Variants in TMBIM4 observed in about 807,000 individuals in gnomAD.
The protein encoded by TMBIM4 is transmembrane BAX inhibitor motif containing 4, also known as protein lifeguard 4.
TMBIM4 carries 28 observed loss-of-function variants against 27.7 expected under a neutral mutation model. The ratio of observed to expected loss-of-function variants is 1.01; its 90% CI spans 0.75 to 1.38. The LOEUF is 1.38. Among genes scored for constraint, TMBIM4 ranks in the 40% most tolerant of loss-of-function variants. TMBIM4 has a pLI of 0.00. For missense variants in TMBIM4, 265 were observed against 277.5 expected (o/e 0.95, Z 0.32); for synonymous variants, 115 against 113.1 (o/e 1.02, Z -0.11).
rs59771071 is a variant in TMBIM4 at position 66,136,096 on chromosome 12, A to AAAAAAAT, written c.*1863_*1864insATTTTTT. 1 of 37,310 alleles carries AAAAAAAT rather than the reference A, an allele frequency of 2.7e-5. No homozygotes were observed. Among genetic ancestry groups the AAAAAAAT allele is most frequent in the Non-Finnish European group, 4.7e-5 (1 of 21,418 alleles). The allele number at this position is 37,310 out of a possible 1,614,324, so 2.3% of individuals were successfully genotyped here. On this transcript the variant is annotated 3_prime_UTR_variant, in exon 7 of 7. Transcript: ENST00000358230. Reference sequence around the variant, plus strand: ...TAAAAAAAAAAAAAAAAAAAAAAAAAGAAAATGGTATTAATACCATCAGCT... The same window carrying AAAAAAAT: ...TAAAAAAAAAAAAAAAAAAAAAAAAAAAAAAATGAAAATGGTATTAATACCATCAGCT...
At chr12:66,161,573 T>G (rs1021302734) in intron 1 of TMBIM4, among the ~76,000 whole-genome samples, 1 of 152,216 alleles carries the variant, frequency 6.6e-6, no homozygotes, top group Non-Finnish European at 1.5e-5. Context: ...TTTAACCTTT[T>G]AAGTAGTAAC....
At position 66,138,117 on chromosome 12, in the gene TMBIM4, G is replaced by A; in HGVS notation, c.560C>T (p.Ala187Val). ...IMELVLAAAG[A>V]LLFCGFIIYD... ...GATGATGAATCCACAGAAAAGAAGG[G>A]CTCCTGCAGCGGCTAAGACCAACTC... is the stretch of plus-strand genomic sequence containing the variant. Residue 187 changes from alanine to valine, a missense_variant, in exon 7 of 7, where the codon GCC (alanine) becomes GTC (valine). Ala to Val is a moderately conservative substitution (Grantham distance 64). Coordinates refer to ENST00000358230, the MANE Select transcript of TMBIM4 (RefSeq NM_016056.4). The A allele has an allele frequency of 6.2e-7, 1 of 1,613,950 alleles. No individual in the cohort carries two copies. The highest frequency in any genetic ancestry group is 8.5e-7 in the Non-Finnish European group (1 of 1,179,990).
chr12:66,152,955 G>C (rs1263154580), intron 2 of TMBIM4, among the ~76,000 whole-genome samples: 1 of 151,864 alleles, frequency 6.6e-6, no homozygotes, highest in Non-Finnish European at 1.5e-5. Flanking sequence ...AAACTTCTTG[G>C]TGAAATTATG....
intron 1 of TMBIM4, among the ~76,000 whole-genome samples, chr12:66,165,381 C>G (rs1395487226): frequency 6.6e-6 from 1 of 150,530 alleles, no homozygotes; most frequent in East Asian, 2.0e-4. Context: ...CAATGGAATA[C>G]AACAGAGCTC....
At chr12:66,163,383 G>A (rs769989947) in intron 1 of TMBIM4, among the ~76,000 whole-genome samples, 10 of 152,088 alleles carry the variant, frequency 6.6e-5, no homozygotes, top group Non-Finnish European at 1.0e-4. Context: ...AGAACTCCCC[G>A]AGACTGGGTA....
At chr12:66,155,541 G>A (rs1615416) in intron 1 of TMBIM4, among the ~76,000 whole-genome samples, 118,400 of 151,974 alleles carry the variant, frequency 0.78, 47,150 homozygotes, top group African/African-American at 0.94. Context: ...CCACATTCCC[G>A]GGCTGGTCTT....
chr12:66,168,200 G>A (rs2052165227), intron 1 of TMBIM4, among the ~76,000 whole-genome samples: 1 of 151,324 alleles, frequency 6.6e-6, no homozygotes, highest in Admixed American at 6.6e-5. Flanking sequence ...CAGCCTCGGT[G>A]GCAAAGCGAG....
At chr12:66,144,168 G>T (rs866036407) in intron 5 of TMBIM4, among the ~76,000 whole-genome samples, 1 of 152,098 alleles carries the variant, frequency 6.6e-6, no homozygotes, top group East Asian at 1.9e-4. Context: ...CTGGAGAATA[G>T]AGAGGCTGGT....
At chr12:66,160,236 T>C (rs1444144817) in intron 1 of TMBIM4, 33 of 703,322 alleles carry the variant, frequency 4.7e-5, no homozygotes, top group Non-Finnish European at 8.1e-5. Flanking sequence ...TCTGATGATA[T>C]TCAGTGTGGC....
chr12:66,152,505 C>A (rs973046591), intron 2 of TMBIM4, 129 bp from the exon 3 acceptor site: 9 of 495,062 alleles, frequency 1.8e-5, no homozygotes, highest in Non-Finnish European at 2.4e-5. Context: ...GAATGATCCA[C>A]ACCAAACTAT....
intron 4 of TMBIM4, 25 bp downstream of exon 4, chr12:66,147,883 A>G: frequency 6.2e-7 from 1 of 1,601,744 alleles, no homozygotes; most frequent in Non-Finnish European, 8.5e-7. Flanking sequence ...TTATTATAAC[A>G]TATAGAAATG....
At chr12:66,168,548 C>T (rs2052174618) in intron 1 of TMBIM4, among the ~76,000 whole-genome samples, 1 of 152,174 alleles carries the variant, frequency 6.6e-6, no homozygotes, top group Non-Finnish European at 1.5e-5. Context: ...ACCTAGTAAA[C>T]AGGCTGTAAC....
intron 1 of TMBIM4, among the ~76,000 whole-genome samples, chr12:66,158,103 G>A (rs535811934): frequency 4.5e-4 from 69 of 151,852 alleles, no homozygotes; most frequent in African/African-American, 1.7e-3. Flanking sequence ...GCGGGCGCCT[G>A]TAGTCCCAGC....
intron 5 of TMBIM4, 93 bp from the exon 6 acceptor site, chr12:66,138,862 T>C: frequency 7.4e-7 from 1 of 1,350,016 alleles, no homozygotes; most frequent in Non-Finnish European, 9.6e-7. Context: ...AACATCCATC[T>C]GGATTTTTTG....
intron 5 of TMBIM4, among the ~76,000 whole-genome samples, chr12:66,140,288 G>A (rs1291834759): frequency 6.6e-6 from 1 of 152,010 alleles, no homozygotes; most frequent in Non-Finnish European, 1.5e-5. Flanking sequence ...AGAAATGGAA[G>A]ATACTATTTT....
rs1264556959 is a variant in TMBIM4 at position 66,147,941 on chromosome 12, T to C, written c.313A>G (p.Thr105Ala). ...GCCACAGTCAGAGCTTCCAACAGCG[T>C]CTAATGAAAAGAAACTTAAATTAGT... ...PLNLYLLFGF[T>A]LLEALTVAVV... Residue 105 changes from threonine (T) to alanine (A), a missense_variant and splice_region_variant, in exon 4 of 7, where the codon ACG becomes GCG. Thr to Ala is a moderately conservative substitution (Grantham distance 58). Coordinates refer to ENST00000358230, the MANE Select transcript of TMBIM4 (RefSeq NM_016056.4). 6.2e-7 allele frequency: 1 copy of C among 1,611,306 alleles called. No individual in the cohort carries two copies. Among genetic ancestry groups the C allele is most frequent in the Non-Finnish European group, 8.5e-7 (1 of 1,178,568 alleles).
chr12:66,155,056 AT>A (rs2051909078), intron 1 of TMBIM4, among the ~76,000 whole-genome samples: 2 of 152,204 alleles, frequency 1.3e-5, no homozygotes, highest in African/African-American at 4.8e-5. Flanking sequence ...TGATGTCTGA[AT>A]GCTTTGGGAG....
chr12:66,153,965 A>G (rs982705980), intron 1 of TMBIM4, among the ~76,000 whole-genome samples: 1 of 152,080 alleles, frequency 6.6e-6, no homozygotes, highest in Non-Finnish European at 1.5e-5. Context: ...CATTTATAGT[A>G]CCCCTGCCTC....
Position 66,148,457 on chromosome 12 carries a change from T to C in TMBIM4, c.313-516A>G, listed in dbSNP as rs573122048. 1.3e-4 allele frequency among the ~76,000 whole-genome samples: 20 copies of C among 152,344 alleles called. 1 individual carries two copies. The East Asian group carries it at 3.7e-3, about 28-fold the overall frequency. ...ATTTTTTCAGTCTCCTTTGCAACTC[T>C]AGGTCTGACTACGTAACGATACTCT... On this transcript the variant is annotated intron_variant, in intron 3 of 6. Transcript: ENST00000358230.
Sources: gnomAD v4.1 joint callset for allele counts (sites outside exome capture counted in the v4.1 genomes callset) on GRCh38, gnomAD v4.1.1 for gene constraint, MANE v1.5 for transcripts, NCBI Gene and HGNC (gene_info 2026-07-23, HGNC 2026-07-21) for gene names.